SANBR: variants seen among roughly 807,000 people sequenced by gnomAD.
SANBR encodes the protein SANT and BTB domain regulator of CSR, also known as SANT and BTB domain regulator of class switch recombination.
Under a neutral mutation model 101.8 loss-of-function variants are expected in SANBR, and 77 were observed. That is an observed-to-expected ratio of 0.76 (90% confidence interval 0.63 to 0.91). The LOEUF is 0.91. SANBR is among the 40% of genes least tolerant of loss of function. The probability of loss-of-function intolerance (pLI) is 0.00; values close to 1 mark genes in which losing one functional copy is unlikely to be tolerated. For synonymous variants in SANBR, 279 were observed against 274.7 expected, an observed-to-expected ratio of 1.02 and a Z score of -0.15; for missense variants, 875 against 853.0, an observed-to-expected ratio of 1.03 and a Z score of -0.32.
chr2:61,106,180 T>G (rs1271622431), intron 13 of SANBR, among the ~76,000 whole-genome samples: 1 of 151,888 alleles, frequency 6.6e-6, no homozygotes, highest in Non-Finnish European at 1.5e-5. Context: ...TCACCTGATG[T>G]CAAGAGTTCA....
intron 1 of SANBR, among the ~76,000 whole-genome samples, chr2:61,067,770 C>CT (rs1681259006): frequency 6.6e-6 from 1 of 152,172 alleles, no homozygotes; most frequent in South Asian, 2.1e-4. Flanking sequence ...GCACTATGTG[C>CT]TCTAACATGC....
chr2:61,087,547 C>T (rs1343586072), intron 8 of SANBR, among the ~76,000 whole-genome samples: 1 of 151,860 alleles, frequency 6.6e-6, no homozygotes, highest in Non-Finnish European at 1.5e-5. Context: ...GAGCAAGACC[C>T]TGTCTCTAAA....
At chr2:61,071,959 A>G (rs1365789237) in intron 4 of SANBR, among the ~76,000 whole-genome samples, 167 bp downstream of exon 4, 1 of 152,092 alleles carries the variant, frequency 6.6e-6, no homozygotes, top group African/African-American at 2.4e-5. Flanking sequence ...TCTTTTTGAG[A>G]CAAGGTCTTG....
At chr2:61,078,260 T>A (rs530897612) in intron 6 of SANBR, among the ~76,000 whole-genome samples, 2 of 152,316 alleles carry the variant, frequency 1.3e-5, no homozygotes, top group East Asian at 3.9e-4. Flanking sequence ...AGTTCACTGA[T>A]ACAGTTCAGA....
rs1459306014 is a variant in SANBR at position 61,124,133 on chromosome 2, A to T, written c.*1971A>T. 3.1e-6 allele frequency: 3 copies of T among 978,016 alleles called. No individual in the cohort carries two copies. The East Asian group carries it at 3.4e-4, about 109-fold the overall frequency. 60.6% of individuals were successfully genotyped at this position (978,016 alleles called of 1,614,324 possible). On this transcript the variant is annotated 3_prime_UTR_variant, in exon 22 of 22. Transcript: ENST00000402291. Reference sequence around the variant, plus strand: ...AAAAGAATGTGTTTTTAATTTTGTTAATGTTTGTCTGTTATACATAGCACT... The same window carrying T: ...AAAAGAATGTGTTTTTAATTTTGTTTATGTTTGTCTGTTATACATAGCACT...
chr2:61,109,077 G>T (rs1156999773), intron 15 of SANBR, 120 bp from the exon 16 acceptor site: 1 of 464,798 alleles, frequency 2.2e-6, no homozygotes, highest in Admixed American at 4.0e-5. Context: ...GCTAGCCAGA[G>T]GTTATTTTAT....
intron 16 of SANBR, among the ~76,000 whole-genome samples, chr2:61,113,082 A>G (rs969700513): frequency 1.1e-4 from 16 of 152,140 alleles, no homozygotes; most frequent in African/African-American, 2.4e-5. Context: ...TGAAAAGACT[A>G]TTCTGTTCTA....
At chr2:61,112,169 G>GCAGT (rs1683861859) in intron 16 of SANBR, among the ~76,000 whole-genome samples, 1 of 152,180 alleles carries the variant, frequency 6.6e-6, no homozygotes, top group Admixed American at 6.5e-5. Flanking sequence ...AAGCAGTGGA[G>GCAGT]CAGTCCCACC....
chr2:61,082,550 G>A (rs372885370), intron 7 of SANBR, among the ~76,000 whole-genome samples: 5 of 152,268 alleles, frequency 3.3e-5, no homozygotes, highest in African/African-American at 7.2e-5. Context: ...GACCAGGCGC[G>A]GTGGCTCACG....
chr2:61,101,244 A>G (rs1179403518), intron 12 of SANBR, among the ~76,000 whole-genome samples: 1 of 152,184 alleles, frequency 6.6e-6, no homozygotes, highest in Non-Finnish European at 1.5e-5. Flanking sequence ...TTAATTCATC[A>G]TTGCTATTAT....
chr2:61,082,758 G>T (rs1227094532), intron 7 of SANBR, among the ~76,000 whole-genome samples: 1 of 152,146 alleles, frequency 6.6e-6, no homozygotes, highest in Admixed American at 6.6e-5. Context: ...GGCAGAGGTT[G>T]CAGTGAGCTG....
chr2:61,104,820 G>A (rs752730109), intron 13 of SANBR, among the ~76,000 whole-genome samples: 4 of 151,582 alleles, frequency 2.6e-5, no homozygotes, highest in East Asian at 1.9e-4. Flanking sequence ...TTTAATCCCA[G>A]CACTTTGGGA....
chr2:61,104,353 G>A (rs1259119984), intron 13 of SANBR, among the ~76,000 whole-genome samples: 1 of 151,936 alleles, frequency 6.6e-6, no homozygotes, highest in Non-Finnish European at 1.5e-5. Context: ...GTGGTGGTGG[G>A]CACCTGTAGT....
chr2:61,089,805 A>G (rs1419118461), intron 10 of SANBR: 1 of 152,198 alleles, frequency 6.6e-6, no homozygotes, highest in Non-Finnish European at 1.5e-5. Context: ...CAAAATGTGT[A>G]TTCTTTGACA....
chr2:61,133,681 A>C (rs1175189029), intron 20 of SANBR, among the ~76,000 whole-genome samples: 2 of 152,242 alleles, frequency 1.3e-5, no homozygotes, highest in Non-Finnish European at 2.9e-5. Context: ...GAAAGAAGAC[A>C]ATCACAAAAA....
At position 61,116,017 on chromosome 2, in the gene SANBR, A is replaced by C; in HGVS notation, c.1783A>C (p.Lys595Gln). Residue 595 changes from lysine (K) to glutamine (Q), a missense_variant, in exon 17 of 22, where the codon AAA becomes CAA. Lys to Gln is a moderately conservative substitution (Grantham distance 53). Transcript: ENST00000402291. ...EKPKKFTRQP[K>Q]KQVSSPCAQR... ...GCCAAAGAAGTTCACTAGACAACCA[A>C]AAAAGCAGGTATCTTCACCCTGTGC... 6.2e-7 allele frequency: 1 copy of C among 1,612,854 alleles called. No individual in the cohort carries two copies. The highest frequency in any genetic ancestry group is 8.5e-7 in the Non-Finnish European group (1 of 1,179,590).
intron 11 of SANBR, among the ~76,000 whole-genome samples, chr2:61,096,447 T>C (rs1442096567): frequency 6.6e-6 from 1 of 152,088 alleles, no homozygotes; most frequent in Admixed American, 6.6e-5. Flanking sequence ...TAACCAACCT[T>C]TTCTCAGAAC....
At chr2:61,074,359 T>G (rs1681645798) in intron 5 of SANBR, among the ~76,000 whole-genome samples, 1 of 152,220 alleles carries the variant, frequency 6.6e-6, no homozygotes, top group Non-Finnish European at 1.5e-5. Context: ...GTTTTAAAAA[T>G]TCACCCTTTT....
rs1323469237 is a variant in SANBR, at chr2:61,122,534, T to C, written c.*372T>C. 7.0e-6 allele frequency: 7 copies of C among 1,006,262 alleles called. No homozygotes were observed. In the African/African-American group the frequency reaches 1.2e-4, roughly 17 times the overall value. 62.3% of individuals were successfully genotyped at this position (1,006,262 alleles called of 1,614,324 possible). A position where few individuals can be genotyped will look rare whatever the true frequency, so the allele number is the denominator to read the frequency against. On this transcript the variant is annotated 3_prime_UTR_variant, in exon 22 of 22. Coordinates refer to ENST00000402291, the MANE Select transcript of SANBR (RefSeq NM_001129993.3). The stretch of plus-strand genomic sequence containing the variant: ...GTTAGGGGAACACAACTGGTAGTGT[T>C]ACCATGCATGGCACTGATTGTAGTA...
Sources: gnomAD v4.1 joint callset for allele counts (sites outside exome capture counted in the v4.1 genomes callset) on GRCh38, gnomAD v4.1.1 for gene constraint, MANE v1.5 for transcripts, NCBI Gene and HGNC (gene_info 2026-07-23, HGNC 2026-07-21) for gene names.